Variants in GRID2 observed in about 807,000 individuals in gnomAD.
GRID2 encodes glutamate receptor ionotropic, delta-2.
Under a neutral mutation model 114.8 loss-of-function variants are expected in GRID2, and 33 were observed. That is an observed-to-expected ratio of 0.29 (90% CI 0.22 to 0.38). GRID2 has a LOEUF of 0.38. GRID2 is among the 10% of genes least tolerant of loss of function. The pLI is 1.00. For missense variants in GRID2, 1,184 were observed against 1,257.7 expected (o/e 0.94, Z 0.89); for synonymous variants, 505 against 449.9 (o/e 1.12, Z -1.55).
intron 14 of GRID2, among the ~76,000 whole-genome samples, chr4:93,758,446 G>A (rs1018574712): frequency 6.6e-5 from 10 of 152,068 alleles, no homozygotes; most frequent in African/African-American, 1.9e-4. Flanking sequence ...TAATTCTCCC[G>A]CTATTAAAGC....
chr4:92,333,993 G>A (rs1371387392), intron 1 of GRID2, among the ~76,000 whole-genome samples: 5 of 152,138 alleles, frequency 3.3e-5, no homozygotes, highest in African/African-American at 1.2e-4. Flanking sequence ...AGTCTCCTGA[G>A]TAGCTGGGAT....
At chr4:93,580,731 T>TC (rs1422303957) in intron 13 of GRID2, among the ~76,000 whole-genome samples, 1 of 151,814 alleles carries the variant, frequency 6.6e-6, no homozygotes, top group Non-Finnish European at 1.5e-5. Context: ...GAGATCCTCT[T>TC]CCCCAGTCCC....
chr4:93,746,628 T>TA (rs1560968747), intron 14 of GRID2, among the ~76,000 whole-genome samples: 1 of 152,110 alleles, frequency 6.6e-6, no homozygotes, highest in Non-Finnish European at 1.5e-5. Flanking sequence ...TACAAAATGT[T>TA]AAAAAAGAAA....
chr4:92,904,034 A>G lies in GRID2; in HGVS notation c.245-180961A>G, dbSNP rs562588742. The stretch of plus-strand genomic sequence containing the variant: ...GCAGTTTCTTTTCTTATTTCTAAGA[A>G]TAGTACTATATTCTGTCTGTCACAC... On this transcript the variant is annotated intron_variant, in intron 2 of 15. Transcript: ENST00000282020. Among the ~76,000 whole-genome samples the G allele has an allele frequency of 6.7e-4, 102 of 152,012 alleles. 1 individual carries two copies. The highest frequency in any genetic ancestry group is 4.6e-3 in the South Asian group (22 of 4,826).
intron 8 of GRID2, among the ~76,000 whole-genome samples, chr4:93,270,663 C>A (rs1305051434): frequency 6.6e-6 from 1 of 151,958 alleles, no homozygotes; most frequent in Non-Finnish European, 1.5e-5. Context: ...GAGTCTCATT[C>A]TACTGCCCAG....
At chr4:92,545,594 G>A (rs1247912234) in intron 1 of GRID2, among the ~76,000 whole-genome samples, 1 of 152,110 alleles carries the variant, frequency 6.6e-6, no homozygotes, top group Admixed American at 6.6e-5. Context: ...AAAATGGGAG[G>A]CAGGTAAATT....
intron 4 of GRID2, among the ~76,000 whole-genome samples, chr4:93,112,853 G>T (rs908329289): frequency 6.6e-6 from 1 of 151,996 alleles, no homozygotes; most frequent in African/African-American, 2.4e-5. Context: ...TCTTCTCTTC[G>T]TGTTTGTTTG....
At chr4:93,784,401 G>T (rs1407529501) in intron 1 of GRID2, among the ~76,000 whole-genome samples, 1 of 152,054 alleles carries the variant, frequency 6.6e-6, no homozygotes, top group East Asian at 1.9e-4. Context: ...AAGCACTAAG[G>T]CACCCTTCAC....
intron 2 of GRID2, among the ~76,000 whole-genome samples, chr4:92,661,588 A>C (rs555034774): frequency 1.1e-4 from 17 of 151,066 alleles, no homozygotes; most frequent in Non-Finnish European, 2.1e-4. Context: ...AATATTTGTT[A>C]AATTCCCAAA....
chr4:92,939,470 T>G (rs1302122406), intron 2 of GRID2, among the ~76,000 whole-genome samples: 1 of 147,382 alleles, frequency 6.8e-6, no homozygotes, highest in Non-Finnish European at 1.5e-5. Flanking sequence ...TATTAGCCCT[T>G]TGTCAGATGA....
intron 1 of GRID2, among the ~76,000 whole-genome samples, chr4:92,441,486 A>G (rs1477415116): frequency 6.6e-6 from 1 of 152,072 alleles, no homozygotes; most frequent in Non-Finnish European, 1.5e-5. Context: ...AGAGGCAGGT[A>G]TTGAGGATAG....
chr4:93,455,825 G>C lies in GRID2; in HGVS notation c.1709G>C (p.Trp570Ser). The change falls in exon 11 of 16, where the codon TGG becomes TCG. Residue 570 changes from tryptophan to serine, a missense_variant. Trp to Ser is a radical substitution (Grantham distance 177). Transcript: ENST00000282020. ...CTTGCACCATTTGATCTCTCTCTAT[G>C]GGCTTGCATTGCTGGCACAGTCCTT... ...ACLAPFDLSLWACIAGTVLLV... is the reference protein window; with the variant it reads ...ACLAPFDLSLSACIAGTVLLV... The C allele has an allele frequency of 6.2e-7, 1 of 1,613,562 alleles. No individual in the cohort carries two copies. Among genetic ancestry groups the C allele is most frequent in the Non-Finnish European group, 8.5e-7 (1 of 1,179,620 alleles).
At chr4:92,450,891 T>C (rs1054433660) in intron 1 of GRID2, among the ~76,000 whole-genome samples, 3 of 144,382 alleles carry the variant, frequency 2.1e-5, no homozygotes, top group Non-Finnish European at 4.5e-5. Flanking sequence ...AAATAAATAT[T>C]CAAATAAAAT....
chr4:92,900,853 A>AC (rs1747529923), intron 2 of GRID2, among the ~76,000 whole-genome samples: 1 of 151,580 alleles, frequency 6.6e-6, no homozygotes, highest in Admixed American at 6.6e-5. Context: ...AAAAAAAAAA[A>AC]AAAAAGATAA....
chr4:93,614,279 G>A (rs1206008467), intron 13 of GRID2, among the ~76,000 whole-genome samples: 2 of 152,306 alleles, frequency 1.3e-5, no homozygotes, highest in South Asian at 2.1e-4. Context: ...CTTCTGCGTC[G>A]CTCACGCTGG....
chr4:93,314,303 CAAAAAAAAAAAAAAAA>C (rs56977080), intron 8 of GRID2, among the ~76,000 whole-genome samples: 1 of 54,146 alleles, frequency 1.8e-5, no homozygotes, highest in African/African-American at 6.8e-5. Context: ...GAGTCTGTCT[CAAAAAAAAAAAAAAAA>C]AAAAAAAAAA....
intron 5 of GRID2, among the ~76,000 whole-genome samples, chr4:93,208,241 G>T (rs532620845): frequency 6.6e-6 from 1 of 152,022 alleles, no homozygotes; most frequent in East Asian, 1.9e-4. Context: ...GGACAAAATA[G>T]TATTTTTGGA....
intron 2 of GRID2, among the ~76,000 whole-genome samples, chr4:93,032,459 G>T (rs912931220): frequency 6.6e-6 from 1 of 151,998 alleles, no homozygotes; most frequent in Non-Finnish European, 1.5e-5. Flanking sequence ...TTGAATTTTT[G>T]CAGAGCAACC....
At chr4:92,847,416 A>G (rs1047517570) in intron 2 of GRID2, among the ~76,000 whole-genome samples, 3 of 152,052 alleles carry the variant, frequency 2.0e-5, no homozygotes, top group African/African-American at 7.2e-5. Context: ...TAGCTGCTAC[A>G]TGATTTAAGT....
Sources: allele counts gnomAD v4.1 joint callset (sites outside exome capture counted in the v4.1 genomes callset), GRCh38; gene constraint gnomAD v4.1.1; transcripts MANE v1.5; gene names NCBI Gene and HGNC (gene_info 2026-07-23, HGNC 2026-07-21).